WDR70: variants seen among roughly 807,000 people sequenced by gnomAD.
The protein encoded by WDR70 is WD repeat-containing protein 70.
Under a neutral mutation model 88.6 loss-of-function variants are expected in WDR70, and 53 were observed. The ratio of observed to expected loss-of-function variants is 0.60; its 90% confidence interval spans 0.48 to 0.75. The LOEUF is 0.75. Among genes scored for constraint, WDR70 ranks in the 30% least tolerant of loss-of-function variants. The pLI is 0.00. For synonymous variants in WDR70, 280 were observed against 270.0 expected (o/e 1.04, Z -0.36); for missense variants, 610 against 823.2 (o/e 0.74, Z 3.17).
chr5:37,612,300 T>G (rs1313008469), intron 10 of WDR70, among the ~76,000 whole-genome samples: 1 of 152,164 alleles, frequency 6.6e-6, no homozygotes, highest in Non-Finnish European at 1.5e-5. Flanking sequence ...TATGTATATA[T>G]TGACAGCTAA....
intron 5 of WDR70, among the ~76,000 whole-genome samples, chr5:37,419,598 GA>G (rs1182696155): frequency 6.6e-6 from 1 of 151,808 alleles, no homozygotes; most frequent in Non-Finnish European, 1.5e-5. Flanking sequence ...TGGATCACCT[GA>G]AATCAGAAGT....
chr5:37,721,529 G>T, intron 14 of WDR70: 1 of 294,340 alleles, frequency 3.4e-6, no homozygotes. Context: ...CATTAGCAGT[G>T]ATACATGTAA....
chr5:37,657,276 G>A (rs1483549743), intron 10 of WDR70, among the ~76,000 whole-genome samples: 6 of 152,092 alleles, frequency 3.9e-5, no homozygotes, highest in Non-Finnish European at 7.3e-5. Context: ...TGTGCTTCCC[G>A]GGTGAGATGA....
chr5:37,668,303 A>G (rs11747900), intron 10 of WDR70, among the ~76,000 whole-genome samples: 65,745 of 152,044 alleles, frequency 0.43, 15,004 homozygotes, highest in Non-Finnish European at 0.51. Flanking sequence ...TATTTAAGTC[A>G]TCTAATCAGA....
intron 5 of WDR70, among the ~76,000 whole-genome samples, chr5:37,423,932 T>C (rs2112001510): frequency 6.7e-6 from 1 of 148,328 alleles, no homozygotes; most frequent in South Asian, 2.1e-4. Context: ...GCAGATCACC[T>C]GAGGTCAGGA....
At chr5:37,610,443 A>G (rs1464576590) in intron 10 of WDR70, among the ~76,000 whole-genome samples, 1 of 151,896 alleles carries the variant, frequency 6.6e-6, no homozygotes, top group East Asian at 1.9e-4. Context: ...TCAAAAAAAA[A>G]AGTTGGTTTT....
intron 9 of WDR70, among the ~76,000 whole-genome samples, chr5:37,532,454 T>A (rs1741525227): frequency 1.3e-5 from 2 of 152,328 alleles, no homozygotes; most frequent in Admixed American, 1.3e-4. Context: ...TGTTCATTTT[T>A]AAAAATTCTT....
At chr5:37,630,718 T>A (rs1488689675) in intron 10 of WDR70, among the ~76,000 whole-genome samples, 1 of 152,158 alleles carries the variant, frequency 6.6e-6, no homozygotes, top group Non-Finnish European at 1.5e-5. Flanking sequence ...TCATATATAA[T>A]GTATGGACTT....
chr5:37,543,209 C>T (rs959768878), intron 9 of WDR70, among the ~76,000 whole-genome samples: 1 of 152,080 alleles, frequency 6.6e-6, no homozygotes, highest in Non-Finnish European at 1.5e-5. Context: ...TATGAGTTAA[C>T]CCAGCTAGGA....
chr5:37,586,847 T>A (rs1281885847), intron 9 of WDR70, among the ~76,000 whole-genome samples: 1 of 152,166 alleles, frequency 6.6e-6, no homozygotes, highest in Non-Finnish European at 1.5e-5. Context: ...AATTCCTAAT[T>A]GTATTTCTTT....
At chr5:37,520,393 C>T (rs1030065815) in intron 9 of WDR70, among the ~76,000 whole-genome samples, 1 of 151,954 alleles carries the variant, frequency 6.6e-6, no homozygotes, top group African/African-American at 2.4e-5. Flanking sequence ...AAGAATGTGA[C>T]TAAAATAAAA....
At chr5:37,425,117 A>G (rs1462562127) in intron 5 of WDR70, among the ~76,000 whole-genome samples, 2 of 152,270 alleles carry the variant, frequency 1.3e-5, no homozygotes, top group East Asian at 3.9e-4. Context: ...GTGGTCATGC[A>G]GGCCTGTGGT....
At chr5:37,392,541 G>A (rs1363606794) in intron 4 of WDR70, among the ~76,000 whole-genome samples, 2 of 152,078 alleles carry the variant, frequency 1.3e-5, no homozygotes, top group African/African-American at 4.8e-5. Flanking sequence ...GTAGAGACAG[G>A]TTTTACCATG....
At chr5:37,463,272 G>GAA (rs55961268) in intron 7 of WDR70, among the ~76,000 whole-genome samples, 1 of 144,460 alleles carries the variant, frequency 6.9e-6, no homozygotes, top group Non-Finnish European at 1.5e-5. Flanking sequence ...ATTCTGTATC[G>GAA]AAAAAAAAAA....
chr5:37,417,349 C>T (rs1376217126), intron 5 of WDR70, among the ~76,000 whole-genome samples: 1 of 151,952 alleles, frequency 6.6e-6, no homozygotes, highest in East Asian at 1.9e-4. Context: ...CTCAGTCTCC[C>T]TAGTAGCTGG....
chr5:37,595,449 A>G (rs1352194146), intron 9 of WDR70, among the ~76,000 whole-genome samples: 2 of 152,218 alleles, frequency 1.3e-5, no homozygotes, highest in Admixed American at 6.5e-5. Flanking sequence ...AAAGATCTAT[A>G]TAAATGAGAA....
chr5:37,521,994 G>GT (rs1410730522), intron 9 of WDR70, among the ~76,000 whole-genome samples: 1 of 152,142 alleles, frequency 6.6e-6, no homozygotes, highest in Non-Finnish European at 1.5e-5. Context: ...TGTGAAGATT[G>GT]TAAGTGTTGC....
At chr5:37,470,085 TA>T (rs1320679002) in intron 7 of WDR70, among the ~76,000 whole-genome samples, 2 of 151,278 alleles carry the variant, frequency 1.3e-5, no homozygotes, top group African/African-American at 4.9e-5. Context: ...TTCACATTAT[TA>T]AAAACTGAAG....
intron 10 of WDR70, among the ~76,000 whole-genome samples, chr5:37,688,778 A>T (rs1188815411): frequency 6.6e-6 from 1 of 152,040 alleles, no homozygotes; most frequent in Non-Finnish European, 1.5e-5. Flanking sequence ...CGCAGAAGAT[A>T]AGTGATTTCT....
Sources: gnomAD v4.1 joint callset for allele counts (sites outside exome capture counted in the v4.1 genomes callset) on GRCh38, gnomAD v4.1.1 for gene constraint, MANE v1.5 for transcripts, NCBI Gene and HGNC (gene_info 2026-07-23, HGNC 2026-07-21) for gene names.